ATP9A: variants seen among roughly 807,000 people sequenced by gnomAD.
ATP9A encodes the protein probable phospholipid-transporting ATPase IIA.
ATP9A carries 52 observed loss-of-function variants against 144.1 expected under a neutral mutation model. That is an observed-to-expected ratio of 0.36 (90% confidence interval 0.29 to 0.45). The LOEUF (loss-of-function observed/expected upper bound fraction) is 0.45. Among genes scored for constraint, ATP9A ranks in the 20% least tolerant of loss-of-function variants. The pLI is 1.00. For synonymous variants in ATP9A, 582 were observed against 557.4 expected (o/e 1.04, Z -0.62); for missense variants, 947 against 1,392.7 (o/e 0.68, Z 5.09).
At chr20:51,633,282 T>A (rs1243661027) in intron 15 of ATP9A, among the ~76,000 whole-genome samples, 1 of 152,016 alleles carries the variant, frequency 6.6e-6, no homozygotes, top group African/African-American at 2.4e-5. Context: ...TACGAAAAAA[T>A]TCTCATCGTA....
chr20:51,612,700 C>T (rs1204835788), intron 23 of ATP9A, among the ~76,000 whole-genome samples: 2 of 152,180 alleles, frequency 1.3e-5, no homozygotes, highest in Admixed American at 6.5e-5. Context: ...GCTGGGATTA[C>T]AGGCATGAGC....
chr20:51,667,962 G>A (rs936690118), intron 13 of ATP9A, among the ~76,000 whole-genome samples: 1 of 150,452 alleles, frequency 6.6e-6, no homozygotes, highest in East Asian at 2.0e-4. Flanking sequence ...CGAGCTACTT[G>A]GGAGGCTGAG....
chr20:51,602,398 C>T (rs1346748892), intron 27 of ATP9A, among the ~76,000 whole-genome samples: 1 of 152,174 alleles, frequency 6.6e-6, no homozygotes, highest in Admixed American at 6.5e-5. Flanking sequence ...ACCTCTGACC[C>T]GGTCCTGTGG....
At chr20:51,756,775 T>A (rs561658261) in intron 1 of ATP9A, among the ~76,000 whole-genome samples, 1 of 152,328 alleles carries the variant, frequency 6.6e-6, no homozygotes, top group Admixed American at 6.5e-5. Flanking sequence ...GGGATCCACG[T>A]CTGCAACATT....
At chr20:51,677,390 T>C (rs1238802021) in intron 9 of ATP9A, among the ~76,000 whole-genome samples, 1 of 152,124 alleles carries the variant, frequency 6.6e-6, no homozygotes. Context: ...CTAGCCCTGT[T>C]TCATGGCCAT....
intron 1 of ATP9A, among the ~76,000 whole-genome samples, chr20:51,762,357 G>A (rs907824396): frequency 3.3e-5 from 5 of 152,060 alleles, no homozygotes; most frequent in Admixed American, 6.6e-5. Flanking sequence ...TTAGCTGGGC[G>A]TGGTGGCATG....
chr20:51,690,818 T>C lies in ATP9A; in HGVS notation c.644A>G (p.Asp215Gly), dbSNP rs757569393. Residue 215 changes from aspartate to glycine, a missense_variant and splice_region_variant, in exon 8 of 28, where the codon GAC (aspartate) becomes GGC (glycine). Physicochemically the swap from Asp to Gly is moderately conservative, Grantham distance 94. Transcript: ENST00000338821. Reference sequence around the variant, plus strand: ...CACATACGATCGAATCTGAAGAAGGTCCTGTTCAACAGAAGGCACATTCGG... The same window carrying C: ...CACATACGATCGAATCTGAAGAAGGCCCTGTTCAACAGAAGGCACATTCGG... ...ACTQRLPTAA[D>G]LLQIRSYVYA... is the part of the protein sequence containing the mutation. The C allele has an allele frequency of 3.8e-5, 62 of 1,610,448 alleles. No individual in the cohort carries two copies. Among genetic ancestry groups the C allele is most frequent in the Non-Finnish European group, 5.1e-5 (60 of 1,176,790 alleles).
chr20:51,624,512 C>T (rs1477367138), intron 18 of ATP9A, among the ~76,000 whole-genome samples: 2 of 152,094 alleles, frequency 1.3e-5, no homozygotes, highest in Non-Finnish European at 2.9e-5. Context: ...AGTGTGATGG[C>T]GCTGACGGTC....
At chr20:51,662,343 G>A (rs755384191) in intron 13 of ATP9A, among the ~76,000 whole-genome samples, 14 of 152,142 alleles carry the variant, frequency 9.2e-5, no homozygotes, top group South Asian at 2.1e-4. Context: ...TCGGGAGCTC[G>A]AGACCAGCCT....
At chr20:51,693,651 A>G (rs1018305168) in intron 7 of ATP9A, among the ~76,000 whole-genome samples, 1 of 152,048 alleles carries the variant, frequency 6.6e-6, no homozygotes, top group Non-Finnish European at 1.5e-5. Context: ...AATCCTCCCG[A>G]CTCAGCCTCT....
chr20:51,651,306 C>CATTATATATTAT (rs1568803529), intron 14 of ATP9A, among the ~76,000 whole-genome samples: 1 of 120,324 alleles, frequency 8.3e-6, no homozygotes, highest in East Asian at 2.0e-4. Flanking sequence ...TATATATTTA[C>CATTATATATTAT]ATAATATATT....
chr20:51,643,832 T>A (rs759083441), intron 14 of ATP9A, among the ~76,000 whole-genome samples: 1 of 152,148 alleles, frequency 6.6e-6, no homozygotes, highest in Non-Finnish European at 1.5e-5. Context: ...TCAGTAATGA[T>A]TCGCATATAT....
At chr20:51,743,965 G>T (rs1217266446) in intron 1 of ATP9A, among the ~76,000 whole-genome samples, 1 of 150,476 alleles carries the variant, frequency 6.6e-6, no homozygotes, top group African/African-American at 2.4e-5. Flanking sequence ...CGAGATTCTG[G>T]CACTGCACTC....
At chr20:51,623,212 G>A (rs1005453289) in intron 18 of ATP9A, among the ~76,000 whole-genome samples, 1 of 152,150 alleles carries the variant, frequency 6.6e-6, no homozygotes, top group Non-Finnish European at 1.5e-5. Context: ...TCTTTTTGGT[G>A]AGCTTCGTTT....
At chr20:51,608,922 C>CGTGT (rs1214031645) in intron 24 of ATP9A, among the ~76,000 whole-genome samples, 34,211 of 142,668 alleles carry the variant, frequency 0.24, 4,207 homozygotes, top group South Asian at 0.46. Context: ...GGAAATAAGA[C>CGTGT]GTGTGTGTGT....
At chr20:51,734,441 G>A (rs1284606502) in intron 1 of ATP9A, 6 of 152,134 alleles carry the variant, frequency 3.9e-5, no homozygotes, top group Non-Finnish European at 7.3e-5. Context: ...AATAAACAGG[G>A]ATAAGCCATA....
At chr20:51,687,205 C>T (rs1052512999) in intron 9 of ATP9A, among the ~76,000 whole-genome samples, 3 of 126,152 alleles carry the variant, frequency 2.4e-5, no homozygotes, top group Non-Finnish European at 4.9e-5. Context: ...TGTGCCCAGG[C>T]GTGGCCCAGG....
intron 1 of ATP9A, among the ~76,000 whole-genome samples, chr20:51,733,052 T>C (rs2077748830): frequency 6.6e-6 from 1 of 152,122 alleles, no homozygotes; most frequent in South Asian, 2.1e-4. Flanking sequence ...TCAGGTTGAC[T>C]GTTTATACAA....
At chr20:51,715,571 G>A (rs748688063) in intron 3 of ATP9A, among the ~76,000 whole-genome samples, 2 of 152,078 alleles carry the variant, frequency 1.3e-5, no homozygotes, top group Admixed American at 6.6e-5. Flanking sequence ...GACAGGAGCC[G>A]CTCACTAACC....
Sources: gnomAD v4.1 joint callset for allele counts (sites outside exome capture counted in the v4.1 genomes callset) on GRCh38, gnomAD v4.1.1 for gene constraint, MANE v1.5 for transcripts, NCBI Gene and HGNC (gene_info 2026-07-23, HGNC 2026-07-21) for gene names.